Variants in FBXO41 observed in about 807,000 individuals in gnomAD.
FBXO41 encodes F-box protein 41.
In FBXO41, 33 loss-of-function variants were observed where a neutral mutation model predicts 81.6. The observed-to-expected ratio is 0.40, with a 90% CI of 0.31 to 0.54. The LOEUF (loss-of-function observed/expected upper bound fraction) is 0.54, where lower values mean the gene tolerates loss of function less well. Among genes scored for constraint, FBXO41 ranks in the 20% least tolerant of loss-of-function variants. The pLI is 0.39. For missense variants in FBXO41, 1,107 were observed against 1,236.0 expected, an observed-to-expected ratio of 0.90 and a Z score of 1.56; for synonymous variants, 576 against 552.7, an observed-to-expected ratio of 1.04 and a Z score of -0.59.
chr2:73,280,421 CT>C (rs1338975167), intron 1 of FBXO41, among the ~76,000 whole-genome samples: 1 of 152,246 alleles, frequency 6.6e-6, no homozygotes, highest in Non-Finnish European at 1.5e-5. Context: ...GGCTGGCCAT[CT>C]TCTGAGAGGT....
chr2:73,265,486 A>T lies in FBXO41; in HGVS notation c.1360T>A (p.Ser454Thr), dbSNP rs526106. The T allele has an allele frequency of 0.28, 452,737 of 1,598,316 alleles. 66,477 individuals carry two copies. Among genetic ancestry groups the T allele is most frequent in the East Asian group, 0.49 (21,687 of 44,506 alleles). The change falls in exon 5 of 13, where the codon TCC becomes ACC. Residue 454 changes from serine to threonine, a missense_variant. By Grantham distance (58) the Ser-to-Thr change is moderately conservative. Coordinates refer to ENST00000520530, the MANE Select transcript of FBXO41 (RefSeq NM_001371389.2). ...AQAANGGSER[S>T]QPPRSSGLRR... ...AGGCCTGAGCTGCGAGGGGGCTGGG[A>T]CCGCTCTGAGCCCCCGTTGGCAGCC...
intron 2 of FBXO41, 30 bp downstream of exon 2, chr2:73,268,696 C>G (rs1688368144): frequency 6.7e-7 from 1 of 1,493,592 alleles, no homozygotes; most frequent in African/African-American, 1.4e-5. Context: ...ACAGGCACAA[C>G]CACTCACAGG....
Position 73,268,834 on chromosome 2 carries a change from T to C in FBXO41, c.797A>G (p.Glu266Gly). Residue 266 changes from glutamate (E) to glycine (G), a missense_variant, in exon 2 of 13, where the codon GAG becomes GGG. Physicochemically the swap from Glu to Gly is moderately conservative, Grantham distance 98 (BLOSUM62 -2). Around this residue, in one of 2 missense-constraint regions of FBXO41, gnomAD observed 771 missense variants for 789.2 expected, o/e 0.98. Coordinates refer to ENST00000520530, the MANE Select transcript of FBXO41 (RefSeq NM_001371389.2). ...ARLGREKEEL[E>G]ERASELSRQV... ...GCGGGAGAGCTCAGACGCGCGCTCC[T>C]CCAGCTCCTCCTTCTCGCGCCCGAG... The C allele has an allele frequency of 6.3e-7, 1 of 1,576,660 alleles. No homozygotes were observed.
intron 1 of FBXO41, chr2:73,271,462 G>A (rs1241662030): frequency 3.3e-5 from 5 of 153,706 alleles, no homozygotes; most frequent in Non-Finnish European, 7.2e-5. Flanking sequence ...AGCTGATGGA[G>A]AAGGCCAGAG....
chr2:73,281,190 G>A (rs1301291768), intron 1 of FBXO41, among the ~76,000 whole-genome samples: 1 of 152,212 alleles, frequency 6.6e-6, no homozygotes, highest in Non-Finnish European at 1.5e-5. Flanking sequence ...ATGAATGAGA[G>A]TTGTGCCATT....
Position 73,264,009 on chromosome 2 carries a change from CAG to C in FBXO41, c.1849_1850del (p.Leu617AspfsTer84). 6.2e-7 allele frequency: 1 copy of C among 1,603,966 alleles called. No individual in the cohort carries two copies. Reference sequence around the variant, plus strand: ...GCCGGGGCTTCAAGTTCTGCAGCGTCAGAGAGTGGGCCTGGGTGCACCACTGA... The same window carrying C: ...GCCGGGGCTTCAAGTTCTGCAGCGTCAGAGTGGGCCTGGGTGCACCACTGA... ...LAQWCTQAHS[L>X]TLQNLKPRQR... On this transcript the variant is annotated frameshift_variant, in exon 7 of 13. Coordinates refer to ENST00000520530, the MANE Select transcript of FBXO41 (RefSeq NM_001371389.2). LOFTEE classifies it high-confidence loss of function.
rs774631312 is a variant in FBXO41, at chr2:73,260,415, G to A, written c.2423C>T (p.Thr808Ile). 2.4e-5 allele frequency: 39 copies of A among 1,612,390 alleles called. No homozygotes were observed. Among genetic ancestry groups the A allele is most frequent in the Non-Finnish European group, 3.2e-5 (38 of 1,179,370 alleles). Residue 808 changes from threonine to isoleucine, a missense_variant, in exon 11 of 13, where the codon ACC (threonine) becomes ATC (isoleucine). This residue lies in a region of FBXO41 where 336 missense variants were observed against 446.7 expected (regional missense o/e 0.75). Transcript: ENST00000520530. This position sits in a 1 kb window ranked among gnomAD's most constrained non-coding sequence, Gnocchi z 5.0. ...EMLVLTATPV[T>I]PKALLHFNSI... ...GTTGAAGTGCAGTAGGGCCTTAGGGGTGACGGGAGTCGCCGTGAGCACCAG... is the reference window on the plus strand; with the variant it reads ...GTTGAAGTGCAGTAGGGCCTTAGGGATGACGGGAGTCGCCGTGAGCACCAG...
Position 73,265,915 on chromosome 2 carries a change from G to A in FBXO41, c.1183C>T (p.His395Tyr), listed in dbSNP as rs752566790. 5 of 1,587,270 alleles carry A rather than the reference G, an allele frequency of 3.2e-6. No individual in the cohort carries two copies. In the South Asian group the frequency reaches 4.6e-5, roughly 15 times the overall value. ...AVPNTYAVSR[H>Y]GSSPSTGASS... ...TACCCTGTGCTCGGAGAGGAGCCATGCCGTGACACTGCATATGTGTTAGGC... is the reference window on the plus strand; with the variant it reads ...TACCCTGTGCTCGGAGAGGAGCCATACCGTGACACTGCATATGTGTTAGGC... Residue 395 changes from histidine (H) to tyrosine (Y), a missense_variant, in exon 4 of 13, where the codon CAT becomes TAT. Physicochemically the swap from His to Tyr is moderately conservative, Grantham distance 83. This residue lies in a region of FBXO41 where 771 missense variants were observed against 789.2 expected (regional missense o/e 0.98). Transcript: ENST00000520530.
At chr2:73,278,098 A>G (rs938317248) in intron 1 of FBXO41, among the ~76,000 whole-genome samples, 3 of 152,168 alleles carry the variant, frequency 2.0e-5, no homozygotes, top group Non-Finnish European at 4.4e-5. Context: ...ATGAAAGATA[A>G]AGTAGTCCTC....
At chr2:73,279,152 G>A (rs1233704631) in intron 1 of FBXO41, among the ~76,000 whole-genome samples, 1 of 152,192 alleles carries the variant, frequency 6.6e-6, no homozygotes, top group African/African-American at 2.4e-5. Flanking sequence ...GTGACAGAAT[G>A]ACTGTGGCAG....
chr2:73,265,311 GC>G lies in FBXO41; in HGVS notation c.1534del (p.Ala512LeufsTer4). On this transcript the variant is annotated frameshift_variant, in exon 5 of 13. Coordinates refer to ENST00000520530, the MANE Select transcript of FBXO41 (RefSeq NM_001371389.2). LOFTEE classifies it high-confidence loss of function. Reference protein sequence around the residue: ...LDAPRPGPAMAGPLSSCRLSA... With the variant: ...LDAPRPGPAMXGPLSSCRLSA... Reference sequence around the variant, plus strand: ...GAGCCGGCAGCTGCTCAATGGCCCAGCCATAGCAGGCCCGGGGCGGGGCGCA... The same window carrying G: ...GAGCCGGCAGCTGCTCAATGGCCCAGCATAGCAGGCCCGGGGCGGGGCGCA... The G allele has an allele frequency of 6.2e-7, 1 of 1,610,068 alleles. No individual in the cohort carries two copies.
chr2:73,264,233 A>G lies in FBXO41; in HGVS notation c.1806+45T>C, dbSNP rs758304260. 3.1e-6 allele frequency: 5 copies of G among 1,610,550 alleles called. No individual in the cohort carries two copies. The South Asian group carries it at 4.4e-5, about 14-fold the overall frequency. On this transcript the variant is annotated intron_variant, in intron 6 of 12. Transcript: ENST00000520530. ...GGGGCCAGATTCTACCCAGGGGGAA[A>G]GGTGGGTTCACAGCAGGGCACAGAA... is the stretch of plus-strand genomic sequence containing the variant.
At chr2:73,279,067 C>A (rs994477459) in intron 1 of FBXO41, among the ~76,000 whole-genome samples, 2 of 152,118 alleles carry the variant, frequency 1.3e-5, no homozygotes, top group African/African-American at 4.8e-5. Flanking sequence ...AAACTATTAA[C>A]CACGGTAGCA....
At chr2:73,274,845 C>T (rs1688641201) in intron 1 of FBXO41, among the ~76,000 whole-genome samples, 1 of 151,912 alleles carries the variant, frequency 6.6e-6, no homozygotes, top group African/African-American at 2.4e-5. Context: ...GGATTATAGG[C>T]CTGAACCATT....
intron 1 of FBXO41, among the ~76,000 whole-genome samples, chr2:73,277,798 T>A (rs1688738504): frequency 6.6e-6 from 1 of 152,246 alleles, no homozygotes; most frequent in African/African-American, 2.4e-5. Context: ...TGCATTTCTA[T>A]GGCTTCCACC....
chr2:73,263,917 C>A, intron 7 of FBXO41, 21 bp downstream of exon 7: 1 of 1,613,116 alleles, frequency 6.2e-7, no homozygotes, highest in Middle Eastern at 1.6e-4. Context: ...GCACCCACCA[C>A]CCACCCATCG....
In FBXO41 at chr2:73,265,976, C is replaced by T; in HGVS notation, c.1132-10G>A. On this transcript the variant is annotated splice_polypyrimidine_tract_variant and intron_variant, in intron 3 of 12. Coordinates refer to ENST00000520530, the MANE Select transcript of FBXO41 (RefSeq NM_001371389.2). ...CCACGTGGTGTTCTCGCTGTGGGCC[C>T]CCAGAGCAGGAGGTAAAGGAGAGGG... The T allele has an allele frequency of 6.4e-7, 1 of 1,565,896 alleles. No individual in the cohort carries two copies. Among genetic ancestry groups the T allele is most frequent in the Non-Finnish European group, 8.7e-7 (1 of 1,154,346 alleles).
At chr2:73,273,456 C>A (rs759818050) in intron 1 of FBXO41, among the ~76,000 whole-genome samples, 1 of 152,144 alleles carries the variant, frequency 6.6e-6, no homozygotes, top group Admixed American at 6.5e-5. Context: ...CTTTGAGAAC[C>A]ATTGCCTGCA....
chr2:73,282,366 A>T (rs1277594924), intron 1 of FBXO41, among the ~76,000 whole-genome samples: 1 of 152,226 alleles, frequency 6.6e-6, no homozygotes, highest in African/African-American at 2.4e-5. Flanking sequence ...GGGAATTCAA[A>T]GGCAGGATGG....
Sources: allele counts gnomAD v4.1 joint callset (sites outside exome capture counted in the v4.1 genomes callset), GRCh38; gene constraint gnomAD v4.1.1; regional missense constraint gnomAD v4.1.1; non-coding constraint Gnocchi (gnomAD v3.1); transcripts MANE v1.5; gene names NCBI Gene and HGNC (gene_info 2026-07-23, HGNC 2026-07-21).